Variants in HSD17B12 observed in about 807,000 individuals in gnomAD.
HSD17B12 encodes the protein hydroxysteroid 17-beta dehydrogenase 12.
Under a neutral mutation model 39.3 loss-of-function variants are expected in HSD17B12, and 32 were observed. The observed-to-expected ratio is 0.81, with a 90% CI of 0.61 to 1.09. The LOEUF is 1.09. Ranked by LOEUF, HSD17B12 falls within the 50% of genes least tolerant of loss-of-function variation. The pLI is 0.00. For missense variants in HSD17B12, 342 were observed against 382.9 expected, an observed-to-expected ratio of 0.89 and a Z score of 0.89; for synonymous variants, 150 against 146.7, an observed-to-expected ratio of 1.02 and a Z score of -0.16.
At chr11:43,844,500 A>G (rs1015705091) in intron 9 of HSD17B12, among the ~76,000 whole-genome samples, 3 of 152,172 alleles carry the variant, frequency 2.0e-5, no homozygotes, top group Non-Finnish European at 2.9e-5. Context: ...AAACCTTATC[A>G]TAAGTGTAGT....
At chr11:43,775,672 T>G (rs528704762) in intron 3 of HSD17B12, among the ~76,000 whole-genome samples, 124 of 152,144 alleles carry the variant, frequency 8.2e-4, no homozygotes, top group African/African-American at 2.9e-3. Flanking sequence ...GTTAGTTACA[T>G]ATGTATACAT....
At chr11:43,634,286 C>T in the HSD17B12 span, among the ~76,000 whole-genome samples, 1 of 152,010 alleles carries the variant, frequency 6.6e-6, no homozygotes, top group African/African-American at 2.4e-5. Context: ...TATGGCTGAG[C>T]ATGACTTAAA....
chr11:43,805,350 A>G (rs1174588366), intron 4 of HSD17B12, among the ~76,000 whole-genome samples: 2 of 152,158 alleles, frequency 1.3e-5, no homozygotes, highest in African/African-American at 4.8e-5. Flanking sequence ...TCAGTTGGCT[A>G]TTTTAGTTAG....
intron 4 of HSD17B12, among the ~76,000 whole-genome samples, chr11:43,801,595 G>GATATATATATATATATATAT (rs55674379): frequency 4.1e-5 from 3 of 72,770 alleles, no homozygotes; most frequent in Admixed American, 1.2e-4. Flanking sequence ...GATAGTTGGA[G>GATATATATATATATATATAT]ATATATATAT....
intron 1 of HSD17B12, 27 bp downstream of exon 1, chr11:43,681,014 C>A: frequency 1.3e-6 from 2 of 1,560,910 alleles, no homozygotes; most frequent in Non-Finnish European, 1.7e-6. Flanking sequence ...GCCGCGTCCT[C>A]GCTCCCGCGG....
chr11:43,605,352 A>G, the HSD17B12 span, among the ~76,000 whole-genome samples: 319 of 152,180 alleles, frequency 2.1e-3, 1 homozygote, highest in Non-Finnish European at 3.7e-3. Flanking sequence ...GCCTGAGGTC[A>G]GGAGTTCGAG....
the HSD17B12 span, among the ~76,000 whole-genome samples, chr11:43,603,219 T>C: frequency 6.6e-6 from 1 of 152,212 alleles, no homozygotes; most frequent in African/African-American, 2.4e-5. Flanking sequence ...ATATCTGAAG[T>C]GCACTTTTGC....
At chr11:43,606,477 CTA>C in the HSD17B12 span, among the ~76,000 whole-genome samples, 1 of 152,188 alleles carries the variant, frequency 6.6e-6, no homozygotes, top group African/African-American at 2.4e-5. Flanking sequence ...TCCTACCTGT[CTA>C]TGTTCATTAG....
the HSD17B12 span, among the ~76,000 whole-genome samples, chr11:43,652,946 G>T: frequency 6.6e-6 from 1 of 152,104 alleles, no homozygotes; most frequent in Non-Finnish European, 1.5e-5. Context: ...ACCCAGTAAG[G>T]CTGGACAGTT....
At chr11:43,718,661 T>C in intron 1 of HSD17B12, 1 of 716,386 alleles carries the variant, frequency 1.4e-6, no homozygotes, top group East Asian at 2.5e-5. Context: ...ATACCTTGAA[T>C]AGCCTTTTCA....
At chr11:43,793,559 C>CA (rs1197863200) in intron 3 of HSD17B12, among the ~76,000 whole-genome samples, 1 of 152,016 alleles carries the variant, frequency 6.6e-6, no homozygotes, top group African/African-American at 2.4e-5. Flanking sequence ...ATTTGTTGAG[C>CA]AAAATGAAAA....
intron 1 of HSD17B12, among the ~76,000 whole-genome samples, chr11:43,685,890 C>T (rs1040836826): frequency 6.6e-6 from 1 of 152,156 alleles, no homozygotes; most frequent in Non-Finnish European, 1.5e-5. Flanking sequence ...TTCAAATTTG[C>T]ACATTCATGA....
intron 3 of HSD17B12, among the ~76,000 whole-genome samples, chr11:43,785,682 G>A (rs1246687045): frequency 6.6e-6 from 1 of 152,130 alleles, no homozygotes; most frequent in Non-Finnish European, 1.5e-5. Flanking sequence ...TATTCTTTTG[G>A]TCCATCAAAA....
chr11:43,574,607 C>T, the HSD17B12 span, among the ~76,000 whole-genome samples: 1 of 152,072 alleles, frequency 6.6e-6, no homozygotes, highest in South Asian at 2.1e-4. Flanking sequence ...CTGCTGAAAA[C>T]CTCAGATTCA....
chr11:43,621,354 C>T, the HSD17B12 span, among the ~76,000 whole-genome samples: 2 of 152,106 alleles, frequency 1.3e-5, no homozygotes, highest in Admixed American at 6.6e-5. Flanking sequence ...CTGTGGTTAC[C>T]AGACATTGAA....
the HSD17B12 span, among the ~76,000 whole-genome samples, chr11:43,656,402 C>A: frequency 6.6e-6 from 1 of 152,140 alleles, no homozygotes; most frequent in Admixed American, 6.5e-5. Context: ...CTATTTCCTT[C>A]AGTTCTGCTC....
intron 4 of HSD17B12, among the ~76,000 whole-genome samples, chr11:43,803,610 T>C (rs1950991256): frequency 1.3e-5 from 2 of 152,178 alleles, no homozygotes; most frequent in Non-Finnish European, 2.9e-5. Flanking sequence ...ATTTTCAGAA[T>C]TACAAAGGAA....
intron 4 of HSD17B12, among the ~76,000 whole-genome samples, chr11:43,801,595 G>GATATATATATATATATATATATATAT (rs55674379): frequency 1.4e-5 from 1 of 72,794 alleles, no homozygotes; most frequent in Non-Finnish European, 3.2e-5. Context: ...GATAGTTGGA[G>GATATATATATATATATATATATATAT]ATATATATAT....
chr11:43,627,541 G>C, the HSD17B12 span, among the ~76,000 whole-genome samples: 1 of 151,760 alleles, frequency 6.6e-6, no homozygotes, highest in Non-Finnish European at 1.5e-5. Flanking sequence ...TAAAGTAGTT[G>C]CCAATATCAA....
Sources: allele counts gnomAD v4.1 joint callset (sites outside exome capture counted in the v4.1 genomes callset), GRCh38; gene constraint gnomAD v4.1.1; transcripts MANE v1.5; gene names NCBI Gene and HGNC (gene_info 2026-07-23, HGNC 2026-07-21).